Variants in ANO3 observed in about 807,000 individuals in gnomAD.
ANO3 encodes the protein anoctamin-3.
In ANO3, 99 loss-of-function variants were observed where a neutral mutation model predicts 144.8. The observed-to-expected ratio is 0.68, with a 90% CI of 0.58 to 0.81. The LOEUF is 0.81. ANO3 is among the 30% of genes least tolerant of loss of function. The pLI, the probability that ANO3 is intolerant of heterozygous loss-of-function variation, is 0.00. For missense variants in ANO3, 905 were observed against 1,202.2 expected, an observed-to-expected ratio of 0.75 and a Z score of 3.66; for synonymous variants, 414 against 392.6, an observed-to-expected ratio of 1.05 and a Z score of -0.64.
intron 17 of ANO3, among the ~76,000 whole-genome samples, chr11:26,621,593 C>A (rs1852417369): frequency 6.6e-6 from 1 of 152,072 alleles, no homozygotes; most frequent in South Asian, 2.1e-4. Flanking sequence ...ATCCGCTCTG[C>A]CTGCTTTATT....
At chr11:26,611,674 T>A (rs1426753602) in intron 17 of ANO3, among the ~76,000 whole-genome samples, 4 of 152,200 alleles carry the variant, frequency 2.6e-5, no homozygotes, top group African/African-American at 9.6e-5. Context: ...GTTTTCTGTC[T>A]AGATTATCTA....
intron 14 of ANO3, among the ~76,000 whole-genome samples, chr11:26,581,559 C>T (rs533352463): frequency 6.6e-6 from 1 of 151,592 alleles, no homozygotes; most frequent in African/African-American, 2.4e-5. Flanking sequence ...CATGGTGGCA[C>T]GTGCCTGTAG....
At chr11:26,448,727 T>C (rs918215209) in intron 3 of ANO3, among the ~76,000 whole-genome samples, 15 of 88,094 alleles carry the variant, frequency 1.7e-4, no homozygotes, top group Non-Finnish European at 3.3e-4. Flanking sequence ...AAGGAACATA[T>C]TTTTCAGTTA....
rs1565092104 is a variant in ANO3, at chr11:26,541,993, A to G, written c.1079A>G (p.Asn360Ser). 2 of 1,613,002 alleles carry G rather than the reference A, an allele frequency of 1.2e-6. No homozygotes were observed. The highest frequency in any genetic ancestry group is 1.7e-6 in the Non-Finnish European group (2 of 1,179,274). The change falls in exon 11 of 27, where the codon AAT becomes AGT. Residue 360 changes from asparagine to serine, a missense_variant. Physicochemically the swap from Asn to Ser is conservative, Grantham distance 46 (BLOSUM62 1). Transcript: ENST00000256737. ...SQPIKTHGPQNNRHLLYERWA... is the reference protein window; with the variant it reads ...SQPIKTHGPQSNRHLLYERWA... ...CCCATTAAAACCCATGGACCTCAGAATAACAGACATCTATTATATGAGCGC... is the reference window on the plus strand; with the variant it reads ...CCCATTAAAACCCATGGACCTCAGAGTAACAGACATCTATTATATGAGCGC...
chr11:26,236,882 T>G (rs1364298037), intron 1 of ANO3, among the ~76,000 whole-genome samples: 1 of 151,864 alleles, frequency 6.6e-6, no homozygotes, highest in Non-Finnish European at 1.5e-5. Flanking sequence ...TTTATTTAGC[T>G]ATCTATACCA....
intron 1 of ANO3, among the ~76,000 whole-genome samples, chr11:26,278,082 C>T (rs891642229): frequency 2.6e-5 from 4 of 152,064 alleles, no homozygotes; most frequent in Admixed American, 6.6e-5. Context: ...AGTCTAGTAA[C>T]GACCCCCAGA....
intron 1 of ANO3, 137 bp downstream of exon 1, chr11:26,332,458 A>AAAAG (rs1237686195): frequency 2.3e-6 from 2 of 864,774 alleles, no homozygotes; most frequent in African/African-American, 3.5e-5. Flanking sequence ...AAAAAAAAAA[A>AAAAG]AATTAAATTC....
Position 26,599,547 on chromosome 11 carries a change from T to C in ANO3, c.1672-3T>C. On this transcript the variant is annotated splice_polypyrimidine_tract_variant and splice_region_variant and intron_variant, in intron 16 of 26. Transcript: ENST00000256737. Reference sequence around the variant, plus strand: ...ATGTTTTTTCTGGTGTCCAATATTGTAGATATCCTTGGTGATCACTGCAGT... The same window carrying C: ...ATGTTTTTTCTGGTGTCCAATATTGCAGATATCCTTGGTGATCACTGCAGT... 1 of 1,611,500 alleles carries C rather than the reference T, an allele frequency of 6.2e-7. No individual in the cohort carries two copies. The highest frequency in any genetic ancestry group is 8.5e-7 in the Non-Finnish European group (1 of 1,178,370).
intron 11 of ANO3, among the ~76,000 whole-genome samples, chr11:26,545,763 G>A (rs574242413): frequency 3.1e-4 from 47 of 151,692 alleles, no homozygotes; most frequent in African/African-American, 1.1e-3. Context: ...TGTGTGATGG[G>A]GAGTTACCCA....
chr11:26,318,981 T>A (rs1303972120), intron 1 of ANO3, among the ~76,000 whole-genome samples: 3 of 152,034 alleles, frequency 2.0e-5, no homozygotes, highest in African/African-American at 7.2e-5. Context: ...CCCTAGCCCT[T>A]TGTATTTTTT....
chr11:26,320,561 A>G (rs1285646517), intron 1 of ANO3, among the ~76,000 whole-genome samples: 2 of 152,198 alleles, frequency 1.3e-5, no homozygotes, highest in Non-Finnish European at 2.9e-5. Context: ...TTAGATGTAT[A>G]TATTGTTTCC....
chr11:26,416,357 T>C (rs1857585808), intron 1 of ANO3, among the ~76,000 whole-genome samples: 1 of 152,074 alleles, frequency 6.6e-6, no homozygotes, highest in Non-Finnish European at 1.5e-5. Context: ...ATGAGAAAGA[T>C]ATGCAGAGAA....
intron 1 of ANO3, among the ~76,000 whole-genome samples, chr11:26,222,146 TC>T (rs1319602122): frequency 6.6e-6 from 1 of 152,214 alleles, no homozygotes; most frequent in African/African-American, 2.4e-5. Context: ...GTTATTTATT[TC>T]CAAGATAAGT....
intron 1 of ANO3, among the ~76,000 whole-genome samples, chr11:26,256,113 T>C (rs1392245663): frequency 6.6e-6 from 1 of 152,168 alleles, no homozygotes; most frequent in Non-Finnish European, 1.5e-5. Context: ...AACAAATCAT[T>C]GGCTACATTC....
rs767778858 is a variant in ANO3 at position 26,643,190 on chromosome 11, T to C, written c.2284T>C (p.Phe762Leu). ...ATGCTCTTCTTTTGCAGTTTTGCAA[T>C]TTGGTTTTACCACCATCTTTGTTGC... ...MDEYLEMVLQ[F>L]GFTTIFVAAF... The change falls in exon 23 of 27, where the codon TTT becomes CTT. Residue 762 changes from phenylalanine (F) to leucine (L), a missense_variant. Physicochemically the swap from Phe to Leu is conservative, Grantham distance 22. Transcript: ENST00000256737. The C allele has an allele frequency of 1.1e-5, 18 of 1,613,702 alleles. No individual in the cohort carries two copies. The highest frequency in any genetic ancestry group is 1.5e-5 in the Non-Finnish European group (18 of 1,179,918).
At chr11:26,226,030 G>A (rs1253965614) in intron 1 of ANO3, among the ~76,000 whole-genome samples, 1 of 151,840 alleles carries the variant, frequency 6.6e-6, no homozygotes, top group African/African-American at 2.4e-5. Flanking sequence ...CAGTTTTTTG[G>A]GGGGTTATTC....
intron 1 of ANO3, among the ~76,000 whole-genome samples, chr11:26,337,766 C>A (rs1479786852): frequency 1.3e-5 from 2 of 152,042 alleles, no homozygotes; most frequent in Non-Finnish European, 2.9e-5. Flanking sequence ...AAAACCCTGT[C>A]TCTACTAAAA....
At chr11:26,391,956 C>CCT (rs539060525) in intron 1 of ANO3, among the ~76,000 whole-genome samples, 3 of 143,416 alleles carry the variant, frequency 2.1e-5, no homozygotes, top group South Asian at 4.6e-4. Flanking sequence ...ATAAGTCAGA[C>CCT]ATCTTTCTGC....
chr11:26,420,356 A>G (rs998272839), intron 1 of ANO3, among the ~76,000 whole-genome samples: 1 of 152,044 alleles, frequency 6.6e-6, no homozygotes, highest in African/African-American at 2.4e-5. Context: ...ATATACCTGT[A>G]TATTTGTAAT....
Sources: allele counts gnomAD v4.1 joint callset (sites outside exome capture counted in the v4.1 genomes callset), GRCh38; gene constraint gnomAD v4.1.1; transcripts MANE v1.5; gene names NCBI Gene and HGNC (gene_info 2026-07-23, HGNC 2026-07-21).